The following SPAST variants were observed in gnomAD, a reference collection of about 807,000 sequenced individuals.
SPAST encodes the protein spastic paraplegia 4 (autosomal dominant; spastin).
Under a neutral mutation model 76.6 loss-of-function variants are expected in SPAST, and 30 were observed. The ratio of observed to expected loss-of-function variants is 0.39; its 90% CI spans 0.29 to 0.53. SPAST has a LOEUF of 0.53. Among genes scored for constraint, SPAST ranks in the 20% least tolerant of loss-of-function variants. The pLI, the probability that SPAST is intolerant of heterozygous loss-of-function variation, is 0.68. For synonymous variants in SPAST, 305 were observed against 281.0 expected, an observed-to-expected ratio of 1.09 and a Z score of -0.86; for missense variants, 717 against 770.5, an observed-to-expected ratio of 0.93 and a Z score of 0.82.
At chr2:32,114,589 GT>G (rs1158398542) in intron 4 of SPAST, 48 bp from the exon 5 acceptor site, 1 of 1,436,292 alleles carries the variant, frequency 7.0e-7, no homozygotes, top group Non-Finnish European at 9.8e-7. Flanking sequence ...TTGTCTTTAT[GT>G]TCAGCTACAA....
chr2:32,156,736 A>G lies in SPAST; in HGVS notation c.*2240A>G, dbSNP rs1573190269. On this transcript the variant is annotated 3_prime_UTR_variant, in exon 17 of 17. Coordinates refer to ENST00000315285, the MANE Select transcript of SPAST (RefSeq NM_014946.4). ...GTGGTTCCAGCTCAACTTTTAATAT[A>G]TTGTCTCCTTTAAAACTATCATGGT... is the stretch of plus-strand genomic sequence containing the variant. 2 of 152,320 alleles carry G rather than the reference A, an allele frequency of 1.3e-5. No individual in the cohort carries two copies. Among genetic ancestry groups the G allele is most frequent in the East Asian group, 3.9e-4 (2 of 5,186 alleles). 9.4% of individuals were successfully genotyped at this position (152,320 alleles called of 1,614,324 possible). A position where few individuals can be genotyped will look rare whatever the true frequency, so the allele number is the denominator to read the frequency against.
chr2:32,084,568 C>A (rs1026746996), intron 1 of SPAST, among the ~76,000 whole-genome samples: 1 of 151,918 alleles, frequency 6.6e-6, no homozygotes, highest in Non-Finnish European at 1.5e-5. Flanking sequence ...AAACTGGAAA[C>A]AACCTCAATA....
chr2:32,152,603 T>C (rs908307451), intron 16 of SPAST, among the ~76,000 whole-genome samples: 3 of 152,110 alleles, frequency 2.0e-5, no homozygotes, highest in Non-Finnish European at 2.9e-5. Flanking sequence ...TTTAGTAATA[T>C]CATGTTTAAT....
intron 1 of SPAST, among the ~76,000 whole-genome samples, chr2:32,079,385 C>T (rs1214857649): frequency 1.3e-5 from 2 of 151,624 alleles, no homozygotes; most frequent in Non-Finnish European, 2.9e-5. Context: ...GTGGTGCACA[C>T]CTGTGGTCCC....
chr2:32,106,973 T>C (rs1678348521), intron 4 of SPAST, among the ~76,000 whole-genome samples: 2 of 152,066 alleles, frequency 1.3e-5, no homozygotes, highest in Non-Finnish European at 1.5e-5. Flanking sequence ...TCCCAGTAAT[T>C]CTACTAGGAT....
At chr2:32,084,151 A>G (rs374800050) in intron 1 of SPAST, among the ~76,000 whole-genome samples, 2 of 151,558 alleles carry the variant, frequency 1.3e-5, no homozygotes, top group East Asian at 2.0e-4. Context: ...CTATGACTCA[A>G]TAGTTTCATT....
chr2:32,082,974 AATT>A (rs1180379557), intron 1 of SPAST, among the ~76,000 whole-genome samples: 1 of 151,798 alleles, frequency 6.6e-6, no homozygotes, highest in Non-Finnish European at 1.5e-5. Context: ...TTAATTAATT[AATT>A]AATTTTTTTT....
intron 16 of SPAST, among the ~76,000 whole-genome samples, chr2:32,150,239 ATTTT>A (rs11363493): frequency 3.0e-5 from 2 of 66,568 alleles, no homozygotes; most frequent in African/African-American, 1.2e-4. Context: ...CGCCCAGCTA[ATTTT>A]TTTTTTTTTT....
At chr2:32,068,861 C>T (rs1460732491) in intron 1 of SPAST, among the ~76,000 whole-genome samples, 1 of 150,306 alleles carries the variant, frequency 6.7e-6, no homozygotes, top group African/African-American at 2.5e-5. Flanking sequence ...ACCCATTGCA[C>T]TCCTGCCTGG....
At chr2:32,075,920 A>G (rs1328400336) in intron 1 of SPAST, among the ~76,000 whole-genome samples, 2 of 33,044 alleles carry the variant, frequency 6.1e-5, no homozygotes, top group African/African-American at 1.3e-4. Flanking sequence ...TTTTTTTTTG[A>G]GACAGAGTCT....
chr2:32,077,577 CTT>C (rs2148699747), intron 1 of SPAST, among the ~76,000 whole-genome samples: 1 of 152,246 alleles, frequency 6.6e-6, no homozygotes, highest in South Asian at 2.1e-4. Context: ...GATTAACTGA[CTT>C]TTCCAAAATC....
chr2:32,124,102 G>C (rs1453432365), intron 7 of SPAST, among the ~76,000 whole-genome samples: 1 of 152,214 alleles, frequency 6.6e-6, no homozygotes, highest in Admixed American at 6.5e-5. Flanking sequence ...CAGAGTGGGA[G>C]ACTTTACAAA....
In SPAST at chr2:32,143,322, T is replaced by C; in HGVS notation, c.1537-14T>C. 7.1e-7 allele frequency: 1 copy of C among 1,417,260 alleles called. No homozygotes were observed. The allele number at this position is 1,417,260 out of a possible 1,614,324, so 87.8% of individuals were successfully genotyped here. ...TGAAATTAGACTGAATGATCATTTT[T>C]TAATATTTTTCAGACAAGACTACTT... On this transcript the variant is annotated splice_polypyrimidine_tract_variant and intron_variant, in intron 13 of 16. Coordinates refer to ENST00000315285, the MANE Select transcript of SPAST (RefSeq NM_014946.4).
intron 15 of SPAST, among the ~76,000 whole-genome samples, chr2:32,145,939 T>C (rs1487271171): frequency 6.6e-6 from 1 of 152,242 alleles, no homozygotes; most frequent in Admixed American, 6.5e-5. Context: ...AAAGATGTTA[T>C]CATAGTGTCT....
At chr2:32,110,239 C>T (rs1460649853) in intron 4 of SPAST, among the ~76,000 whole-genome samples, 17 of 148,418 alleles carry the variant, frequency 1.1e-4, no homozygotes, top group African/African-American at 1.7e-4. Flanking sequence ...CTGCTTCAGT[C>T]TCCCGAGTAC....
At chr2:32,116,351 A>G in intron 7 of SPAST, 139 bp downstream of exon 7, 2 of 648,300 alleles carry the variant, frequency 3.1e-6, no homozygotes, top group Non-Finnish European at 5.4e-6. Context: ...GTTTTAAAAA[A>G]GATAAAACAT....
chr2:32,116,129 G>A lies in SPAST; in HGVS notation c.1015G>A (p.Val339Ile), dbSNP rs780583669. Residue 339 changes from valine (V) to isoleucine (I), a missense_variant, in exon 7 of 17, where the codon GTT becomes ATT. This residue lies in a region of SPAST where 543 missense variants were observed against 445.2 expected (regional missense o/e 1.22). Transcript: ENST00000315285. ...GGTCTTGTTTCTTAGTGGAACAGCT[G>A]TTAAATTTGATGATATAGCTGGTCA... is the stretch of plus-strand genomic sequence containing the variant. Reference protein sequence around the residue: ...MNEIVDNGTAVKFDDIAGQDL... With the variant: ...MNEIVDNGTAIKFDDIAGQDL... The A allele has an allele frequency of 6.2e-7, 1 of 1,612,460 alleles. No homozygotes were observed. Among genetic ancestry groups the A allele is most frequent in the Non-Finnish European group, 8.5e-7 (1 of 1,178,692 alleles).
chr2:32,086,427 C>T (rs189084319), intron 1 of SPAST, among the ~76,000 whole-genome samples: 1 of 151,510 alleles, frequency 6.6e-6, no homozygotes, highest in Non-Finnish European at 1.5e-5. Flanking sequence ...GATTGTGCCC[C>T]TGCACTCTAG....
chr2:32,107,850 A>C (rs893679694), intron 4 of SPAST, among the ~76,000 whole-genome samples: 2 of 152,096 alleles, frequency 1.3e-5, no homozygotes, highest in African/African-American at 2.4e-5. Flanking sequence ...ACTCAGACCT[A>C]TTAGTAGTTT....
Sources: gnomAD v4.1 joint callset for allele counts (sites outside exome capture counted in the v4.1 genomes callset) on GRCh38, gnomAD v4.1.1 for gene constraint, gnomAD v4.1.1 regional missense constraint, MANE v1.5 for transcripts, NCBI Gene and HGNC (gene_info 2026-07-23, HGNC 2026-07-21) for gene names.